Variants in CYP3A43 observed in about 807,000 individuals in gnomAD.
CYP3A43 encodes the protein cytochrome P450 3A43.
A neutral mutation model predicts 58.0 loss-of-function variants in CYP3A43; 45 were observed. The observed-to-expected ratio is 0.78, with a 90% CI of 0.61 to 0.99. The LOEUF is 0.99. CYP3A43 is among the 50% of genes least tolerant of loss of function. The pLI is 0.00. For synonymous variants in CYP3A43, 191 were observed against 201.4 expected (o/e 0.95, Z 0.44); for missense variants, 593 against 591.9 (o/e 1.00, Z -0.02).
rs761507204 is a variant in CYP3A43 at position 99,859,986 on chromosome 7, A to G, written c.1022A>G (p.Asn341Ser). The G allele has an allele frequency of 4.4e-6, 7 of 1,598,728 alleles. No homozygotes were observed. In the Admixed American group the frequency reaches 5.1e-5, roughly 12 times the overall value. The change falls in exon 10 of 13, where the codon AAT becomes AGT. Residue 341 changes from asparagine to serine, a missense_variant. Asn to Ser is a conservative substitution (Grantham distance 46, BLOSUM62 1). Transcript: ENST00000354829. ...LQEEIDAVLPNKAPVTYDALV... is the reference protein window; with the variant it reads ...LQEEIDAVLPSKAPVTYDALV... ...GAGGAGATTGACGCAGTTTTACCCA[A>G]TAAGGTAAGGGGATGATCCCCTGGA...
chr7:99,858,171 A>T (rs1385412632), intron 9 of CYP3A43, among the ~76,000 whole-genome samples: 5 of 152,186 alleles, frequency 3.3e-5, no homozygotes, highest in African/African-American at 7.2e-5. Context: ...TGGGTAGCAG[A>T]TCTACACTTT....
intron 7 of CYP3A43, among the ~76,000 whole-genome samples, chr7:99,850,955 T>C (rs1409542587): frequency 6.6e-6 from 1 of 152,014 alleles, no homozygotes; most frequent in Non-Finnish European, 1.5e-5. Context: ...GATCACAAGG[T>C]CAAGAGATCA....
In CYP3A43 at chr7:99,859,884, A is replaced by G. The variant is rs1339767926; in HGVS notation, c.920A>G (p.Tyr307Cys). The G allele has an allele frequency of 6.2e-6, 10 of 1,613,966 alleles. No individual in the cohort carries two copies. Among genetic ancestry groups the G allele is most frequent in the African/African-American group, 5.3e-5 (4 of 74,890 alleles). Residue 307 changes from tyrosine to cysteine, a missense_variant, in exon 10 of 13, where the codon TAT becomes TGT. Coordinates refer to ENST00000354829, the MANE Select transcript of CYP3A43 (RefSeq NM_057095.3). ...TCAATTATCATCATTTTTGCTGCCTATGACACAACTAGCACCACTCTCCCC... is the reference window on the plus strand; with the variant it reads ...TCAATTATCATCATTTTTGCTGCCTGTGACACAACTAGCACCACTCTCCCC... ...AQSIIIIFAAYDTTSTTLPFI... is the reference protein window; with the variant it reads ...AQSIIIIFAACDTTSTTLPFI...
chr7:99,859,994 AG>A lies in CYP3A43; in HGVS notation c.1026+8del. On this transcript the variant is annotated splice_donor_5th_base_variant and intron_variant, in intron 10 of 12. Coordinates refer to ENST00000354829, the MANE Select transcript of CYP3A43 (RefSeq NM_057095.3). ...TGACGCAGTTTTACCCAATAAGGTA[AG>A]GGGATGATCCCCTGGAGAAGGAGGG... The A allele has an allele frequency of 1.3e-6, 2 of 1,588,634 alleles. No individual in the cohort carries two copies. Among genetic ancestry groups the A allele is most frequent in the Non-Finnish European group, 1.7e-6 (2 of 1,167,990 alleles).
Position 99,861,804 on chromosome 7 carries a change from G to A in CYP3A43, c.1218G>A (p.Lys406=). ...VPIYALHHDP[K]YWTEPEKFCP... The stretch of plus-strand genomic sequence containing the variant: ...TCTATGCTCTTCACCATGACCCAAA[G>A]TACTGGACAGAGCCTGAGAAGTTCT... Residue 406 remains lysine (K), a synonymous_variant, in exon 11 of 13, where the codon AAG becomes AAA. Coordinates refer to ENST00000354829, the MANE Select transcript of CYP3A43 (RefSeq NM_057095.3). 1 of 1,614,146 alleles carries A rather than the reference G, an allele frequency of 6.2e-7. No homozygotes were observed. Among genetic ancestry groups the A allele is most frequent in the Non-Finnish European group, 8.5e-7 (1 of 1,179,986 alleles).
chr7:99,837,119 C>A (rs1373708468), intron 2 of CYP3A43, among the ~76,000 whole-genome samples: 13 of 142,846 alleles, frequency 9.1e-5, no homozygotes, highest in African/African-American at 3.4e-4. Flanking sequence ...TCCTGGCTAA[C>A]ACGGTGAAAC....
intron 3 of CYP3A43, 171 bp downstream of exon 3, chr7:99,839,343 G>A: frequency 1.2e-6 from 1 of 808,814 alleles, no homozygotes; most frequent in Non-Finnish European, 2.1e-6. Flanking sequence ...ATTGAGCATT[G>A]CAAGGGGAAT....
At chr7:99,841,568 T>A (rs1817334882) in intron 3 of CYP3A43, among the ~76,000 whole-genome samples, 1 of 152,152 alleles carries the variant, frequency 6.6e-6, no homozygotes, top group Admixed American at 6.5e-5. Flanking sequence ...CAGCTAATTT[T>A]TGTATTTTTA....
chr7:99,847,997 G>A (rs1300964874), intron 5 of CYP3A43, 169 bp from the exon 6 acceptor site: 2 of 681,708 alleles, frequency 2.9e-6, no homozygotes, highest in Non-Finnish European at 4.9e-6. Flanking sequence ...GGCAACAAGA[G>A]CGAAACTCTG....
rs777077375 is a variant in CYP3A43 at position 99,839,118 on chromosome 7, AG to A, written c.167del. ...TGAATTGTATTTTGTTTCTTCTGCC[AG>A]GGTCTTTGGAATTTTGACAGAGAAT... On this transcript the variant is annotated splice_acceptor_variant, in intron 2 of 12. Coordinates refer to ENST00000354829, the MANE Select transcript of CYP3A43 (RefSeq NM_057095.3). LOFTEE classifies it high-confidence loss of function. 26 of 1,614,064 alleles carry A rather than the reference AG, an allele frequency of 1.6e-5. No individual in the cohort carries two copies. The highest frequency in any genetic ancestry group is 2.1e-5 in the Non-Finnish European group (25 of 1,180,022).
intron 3 of CYP3A43, among the ~76,000 whole-genome samples, chr7:99,842,478 C>A (rs866941880): frequency 8.5e-5 from 13 of 152,122 alleles, no homozygotes; most frequent in South Asian, 2.1e-4. Flanking sequence ...TATAGATTCT[C>A]TATATTAACT....
intron 1 of CYP3A43, among the ~76,000 whole-genome samples, chr7:99,830,776 C>T (rs1249072865): frequency 6.6e-6 from 1 of 152,148 alleles, no homozygotes; most frequent in Non-Finnish European, 1.5e-5. Context: ...TTTCAAGGCT[C>T]CCATGCATAT....
In CYP3A43 at chr7:99,828,142, G is replaced by A. The variant is rs1816698774; in HGVS notation, c.27G>A (p.Met9Ile). 6.2e-7 allele frequency: 1 copy of A among 1,613,012 alleles called. No homozygotes were observed. Residue 9 changes from methionine (M) to isoleucine (I), a missense_variant, in exon 1 of 13, where the codon ATG (methionine) becomes ATA (isoleucine). Met to Ile is a conservative substitution (Grantham distance 10). Transcript: ENST00000354829. Reference sequence around the variant, plus strand: ...TGGATCTCATTCCAAACTTTGCCATGGAAACATGGGTTCTTGTGGCTACCA... The same window carrying A: ...TGGATCTCATTCCAAACTTTGCCATAGAAACATGGGTTCTTGTGGCTACCA... MDLIPNFA[M>I]ETWVLVATSL... is the part of the protein sequence containing the mutation.
At chr7:99,839,599 G>A (rs1326182376) in intron 3 of CYP3A43, among the ~76,000 whole-genome samples, 3 of 152,126 alleles carry the variant, frequency 2.0e-5, no homozygotes, top group East Asian at 3.9e-4. Context: ...CCCGAGGTTT[G>A]TTGTCCCACA....
Position 99,839,180 on chromosome 7 carries a change from T to C in CYP3A43, c.218+8T>C. The C allele has an allele frequency of 6.2e-7, 1 of 1,614,098 alleles. No individual in the cohort carries two copies. Among genetic ancestry groups the C allele is most frequent in the Non-Finnish European group, 8.5e-7 (1 of 1,180,004 alleles). ...ATACGGAGAAATGTGGGGGTGAGTATTCTGGAAACTTGCATTGGATAGAGC... is the reference window on the plus strand; with the variant it reads ...ATACGGAGAAATGTGGGGGTGAGTACTCTGGAAACTTGCATTGGATAGAGC... On this transcript the variant is annotated splice_region_variant and intron_variant, in intron 3 of 12. Coordinates refer to ENST00000354829, the MANE Select transcript of CYP3A43 (RefSeq NM_057095.3).
intron 10 of CYP3A43, among the ~76,000 whole-genome samples, chr7:99,861,021 G>A (rs1194112251): frequency 1.3e-5 from 2 of 151,952 alleles, no homozygotes; most frequent in Non-Finnish European, 2.9e-5. Flanking sequence ...TTACAGGCGT[G>A]CGCTACTATG....
intron 1 of CYP3A43, among the ~76,000 whole-genome samples, chr7:99,835,779 T>C (rs1054982294): frequency 6.6e-5 from 10 of 152,170 alleles, no homozygotes; most frequent in African/African-American, 1.7e-4. Flanking sequence ...CCTTTTAGTG[T>C]AGGCAGAAAT....
intron 5 of CYP3A43, 113 bp from the exon 6 acceptor site, chr7:99,848,052 TA>T: frequency 9.6e-7 from 1 of 1,046,394 alleles, no homozygotes; most frequent in Non-Finnish European, 1.4e-6. Context: ...ATTTATGTCC[TA>T]GAGGACATGG....
chr7:99,830,685 C>T (rs924518466), intron 1 of CYP3A43, among the ~76,000 whole-genome samples: 2 of 152,152 alleles, frequency 1.3e-5, no homozygotes, highest in Admixed American at 1.3e-4. Flanking sequence ...TCACCCACTC[C>T]CCATCAGAAG....
Sources: gnomAD v4.1 joint callset for allele counts (sites outside exome capture counted in the v4.1 genomes callset) on GRCh38, gnomAD v4.1.1 for gene constraint, MANE v1.5 for transcripts, NCBI Gene and HGNC (gene_info 2026-07-23, HGNC 2026-07-21) for gene names.